The following TMEM156 variants were observed in gnomAD, a reference collection of about 807,000 sequenced individuals.
TMEM156 encodes transmembrane protein 156.
A neutral mutation model predicts 30.5 loss-of-function variants in TMEM156; 28 were observed. The ratio of observed to expected loss-of-function variants is 0.92; its 90% CI spans 0.68 to 1.26. TMEM156 has a LOEUF of 1.26. TMEM156 is among the 50% of genes most tolerant of loss of function. The probability of loss-of-function intolerance (pLI) is 0.00; values close to 1 mark genes in which losing one functional copy is unlikely to be tolerated. For missense variants in TMEM156, 351 were observed against 340.6 expected (o/e 1.03, Z -0.24); for synonymous variants, 137 against 119.9 (o/e 1.14, Z -0.93).
intron 6 of TMEM156, among the ~76,000 whole-genome samples, chr4:38,970,126 C>T (rs1363545181): frequency 6.7e-6 from 1 of 148,956 alleles, no homozygotes; most frequent in East Asian, 2.0e-4. Flanking sequence ...CAGCCCTCCT[C>T]ACACACTGTG....
chr4:38,994,206 C>G (rs1197911347), intron 2 of TMEM156, among the ~76,000 whole-genome samples: 5 of 152,106 alleles, frequency 3.3e-5, no homozygotes, highest in Non-Finnish European at 7.4e-5. Flanking sequence ...CTCACTGCAG[C>G]CTCACCCTCC....
At chr4:39,022,103 C>G (rs150707946) in intron 1 of TMEM156, among the ~76,000 whole-genome samples, 36 of 152,254 alleles carry the variant, frequency 2.4e-4, no homozygotes, top group African/African-American at 7.9e-4. Flanking sequence ...TTGGTGTTTT[C>G]CTCTGGTGAG....
chr4:38,977,395 GCTAGT>G (rs1308946686), intron 5 of TMEM156, among the ~76,000 whole-genome samples: 2 of 152,144 alleles, frequency 1.3e-5, no homozygotes, highest in African/African-American at 2.4e-5. Context: ...CAAAATGATG[GCTAGT>G]CTAAAGTAAT....
At chr4:39,000,014 G>C (rs547929195) in intron 1 of TMEM156, among the ~76,000 whole-genome samples, 1 of 152,286 alleles carries the variant, frequency 6.6e-6, no homozygotes, top group South Asian at 2.1e-4. Context: ...CAAGATGACA[G>C]CCTAATTTTT....
At chr4:39,000,191 T>C (rs1577550535) in intron 1 of TMEM156, among the ~76,000 whole-genome samples, 2 of 152,120 alleles carry the variant, frequency 1.3e-5, no homozygotes, top group Admixed American at 1.3e-4. Flanking sequence ...CTCAGGAGTT[T>C]GAGATCAGCC....
At chr4:39,020,004 C>T (rs553940464) in intron 1 of TMEM156, among the ~76,000 whole-genome samples, 70 of 152,258 alleles carry the variant, frequency 4.6e-4, no homozygotes, top group African/African-American at 1.6e-3. Context: ...CTATTCTCTG[C>T]CACTGTGAGT....
intron 3 of TMEM156, among the ~76,000 whole-genome samples, chr4:38,993,250 C>G (rs562940512): frequency 6.6e-6 from 1 of 151,806 alleles, no homozygotes; most frequent in Non-Finnish European, 1.5e-5. Flanking sequence ...GGCAACATGA[C>G]AAGACCCCGT....
intron 2 of TMEM156, among the ~76,000 whole-genome samples, chr4:38,997,772 T>C (rs764145505): frequency 4.6e-5 from 7 of 152,256 alleles, no homozygotes; most frequent in Non-Finnish European, 7.3e-5. Context: ...ATTCTTTATT[T>C]ATTCAGTTGT....
chr4:38,979,888 T>C (rs1031436818), intron 5 of TMEM156, among the ~76,000 whole-genome samples: 1 of 152,228 alleles, frequency 6.6e-6, no homozygotes, highest in Non-Finnish European at 1.5e-5. Flanking sequence ...GTCTCCTTAT[T>C]ACCAGAGAAA....
In TMEM156 at chr4:38,995,888, C is replaced by T. The variant is rs530794426; in HGVS notation, c.359-1890G>A. On this transcript the variant is annotated intron_variant, in intron 2 of 6. Transcript: ENST00000381938. Reference sequence around the variant, plus strand: ...CTCATACTGGAGCCTTGAACCACTACGTAAAAGTCCAAAACCTTAAGGCCA... The same window carrying T: ...CTCATACTGGAGCCTTGAACCACTATGTAAAAGTCCAAAACCTTAAGGCCA... 5.9e-5 allele frequency among the ~76,000 whole-genome samples: 9 copies of T among 152,222 alleles called. No homozygotes were observed. The East Asian group carries it at 9.7e-4, about 16-fold the overall frequency.
At chr4:39,026,092 A>G (rs894312752) in intron 1 of TMEM156, among the ~76,000 whole-genome samples, 4 of 152,244 alleles carry the variant, frequency 2.6e-5, no homozygotes, top group African/African-American at 9.6e-5. Flanking sequence ...CATGGAGCTT[A>G]CATTCTATTT....
At chr4:38,988,734 C>G (rs1397739900) in intron 4 of TMEM156, 117 bp downstream of exon 4, 17 of 1,348,020 alleles carry the variant, frequency 1.3e-5, no homozygotes, top group Middle Eastern at 3.6e-4. Context: ...CCTTGAGTTA[C>G]CAAGAATCAC....
intron 3 of TMEM156, among the ~76,000 whole-genome samples, chr4:38,991,210 T>TC (rs1712434904): frequency 7.1e-6 from 1 of 140,204 alleles, no homozygotes. Context: ...AACTGTCTTT[T>TC]TCTTTTCTTT....
chr4:38,977,119 G>T (rs962510353), intron 5 of TMEM156, among the ~76,000 whole-genome samples: 7 of 150,750 alleles, frequency 4.6e-5, no homozygotes, highest in African/African-American at 1.7e-4. Flanking sequence ...TGGCCAGGCT[G>T]GTCTCAAACT....
At chr4:39,024,018 G>T (rs762477361) in intron 1 of TMEM156, among the ~76,000 whole-genome samples, 1 of 152,142 alleles carries the variant, frequency 6.6e-6, no homozygotes, top group Non-Finnish European at 1.5e-5. Flanking sequence ...AGAGCCAGAG[G>T]AATCTTTTGT....
At chr4:38,993,398 C>CTCCA (rs968909834) in intron 3 of TMEM156, among the ~76,000 whole-genome samples, 14 of 151,880 alleles carry the variant, frequency 9.2e-5, no homozygotes, top group African/African-American at 3.4e-4. Flanking sequence ...TGTCACTGCA[C>CTCCA]TCCAGCCTGG....
At chr4:38,987,206 A>G (rs1030927329) in intron 4 of TMEM156, among the ~76,000 whole-genome samples, 12 of 152,348 alleles carry the variant, frequency 7.9e-5, no homozygotes, top group African/African-American at 2.9e-4. Context: ...TTTACTTTAA[A>G]TAATAGAATT....
At chr4:38,992,572 C>T (rs1483794693) in intron 3 of TMEM156, among the ~76,000 whole-genome samples, 1 of 149,780 alleles carries the variant, frequency 6.7e-6, no homozygotes, top group African/African-American at 2.5e-5. Context: ...TTACAGCAAA[C>T]TCCCATTTCA....
chr4:38,991,753 G>T (rs1712481389), intron 3 of TMEM156, among the ~76,000 whole-genome samples: 1 of 151,890 alleles, frequency 6.6e-6, no homozygotes, highest in South Asian at 2.1e-4. Context: ...ATAAAATACA[G>T]TTAGGTGGAT....
Sources: allele counts gnomAD v4.1 joint callset (sites outside exome capture counted in the v4.1 genomes callset), GRCh38; gene constraint gnomAD v4.1.1; transcripts MANE v1.5; gene names NCBI Gene and HGNC (gene_info 2026-07-23, HGNC 2026-07-21).